GRM7: variants seen among roughly 807,000 people sequenced by gnomAD.
GRM7 encodes the protein metabotropic glutamate receptor 7.
In GRM7, 35 loss-of-function variants were observed where a neutral mutation model predicts 84.5. The ratio of observed to expected loss-of-function variants is 0.41; its 90% CI spans 0.32 to 0.55. GRM7 has a LOEUF of 0.55. GRM7 is among the 20% of genes least tolerant of loss of function. The pLI, the probability that GRM7 is intolerant of heterozygous loss-of-function variation, is 0.19. For missense variants in GRM7, 1,003 were observed against 1,194.6 expected (o/e 0.84, Z 2.36); for synonymous variants, 487 against 455.1 (o/e 1.07, Z -0.89).
At chr3:6,993,468 A>C (rs577446352) in intron 1 of GRM7, among the ~76,000 whole-genome samples, 1 of 152,238 alleles carries the variant, frequency 6.6e-6, no homozygotes, top group East Asian at 1.9e-4. Context: ...AGTAATTCAG[A>C]TTAGCTCAAA....
chr3:7,437,969 T>A (rs1464821538), intron 5 of GRM7, among the ~76,000 whole-genome samples: 2 of 148,068 alleles, frequency 1.4e-5, no homozygotes, highest in African/African-American at 2.5e-5. Flanking sequence ...GAAATTTGTT[T>A]AAAAAAAAAA....
chr3:7,263,783 A>G (rs1698529429), intron 2 of GRM7, among the ~76,000 whole-genome samples: 1 of 152,006 alleles, frequency 6.6e-6, no homozygotes, highest in Non-Finnish European at 1.5e-5. Flanking sequence ...TATGCCCACC[A>G]ATAGTCCCAC....
chr3:7,007,582 G>A (rs1310652208), intron 1 of GRM7, among the ~76,000 whole-genome samples: 1 of 152,186 alleles, frequency 6.6e-6, no homozygotes, highest in Non-Finnish European at 1.5e-5. Flanking sequence ...ATGCCTGGAT[G>A]TAGCCTCATG....
chr3:7,191,716 G>T (rs1349289495), intron 2 of GRM7, among the ~76,000 whole-genome samples: 1 of 151,132 alleles, frequency 6.6e-6, no homozygotes, highest in Non-Finnish European at 1.5e-5. Context: ...AAATAGATCA[G>T]ATGTGGCCAG....
chr3:7,348,729 G>C (rs1051205753), intron 4 of GRM7, among the ~76,000 whole-genome samples: 1 of 152,064 alleles, frequency 6.6e-6, no homozygotes, highest in African/African-American at 2.4e-5. Context: ...CAAATTATGA[G>C]GCTACATCTC....
chr3:6,873,020 T>C (rs1354024751), intron 1 of GRM7, among the ~76,000 whole-genome samples: 1 of 152,140 alleles, frequency 6.6e-6, no homozygotes, highest in African/African-American at 2.4e-5. Flanking sequence ...TGGTTCTAGA[T>C]CCCTGAGGAA....
chr3:7,410,656 C>CCA (rs370683194), intron 4 of GRM7, among the ~76,000 whole-genome samples: 7,991 of 142,608 alleles, frequency 0.056, 267 homozygotes, highest in African/African-American at 0.099. Flanking sequence ...ACCACCACCA[C>CCA]CACACACACA....
chr3:7,384,878 CA>C (rs1385109064), intron 4 of GRM7, among the ~76,000 whole-genome samples: 1 of 152,172 alleles, frequency 6.6e-6, no homozygotes, highest in African/African-American at 2.4e-5. Context: ...CTCTTTCCTC[CA>C]AAAAGTGACA....
At chr3:7,177,444 A>C (rs2125093785) in intron 2 of GRM7, among the ~76,000 whole-genome samples, 1 of 151,746 alleles carries the variant, frequency 6.6e-6, no homozygotes, top group East Asian at 2.0e-4. Context: ...GCAGTATTTG[A>C]TTCATCCAGG....
chr3:7,344,719 A>T (rs1692810757), intron 4 of GRM7, among the ~76,000 whole-genome samples: 1 of 152,158 alleles, frequency 6.6e-6, no homozygotes, highest in South Asian at 2.1e-4. Context: ...AAAACTAAAA[A>T]TGTTGATTTC....
intron 1 of GRM7, among the ~76,000 whole-genome samples, chr3:7,101,301 A>G (rs1388096250): frequency 2.0e-5 from 3 of 151,670 alleles, no homozygotes; most frequent in Non-Finnish European, 4.4e-5. Context: ...AGCCTTTTCA[A>G]TGGGTGGATA....
chr3:7,624,886 T>C (rs903229972), intron 8 of GRM7, among the ~76,000 whole-genome samples: 7 of 152,136 alleles, frequency 4.6e-5, no homozygotes, highest in Non-Finnish European at 8.8e-5. Context: ...GAAAGAGCTG[T>C]TTACACATAT....
intron 7 of GRM7, among the ~76,000 whole-genome samples, chr3:7,516,191 G>T (rs62233449): frequency 1.5e-5 from 2 of 132,656 alleles, no homozygotes; most frequent in South Asian, 2.4e-4. Context: ...AAAAAAAAGG[G>T]CTGGGCACGG....
At chr3:7,405,493 A>C (rs1695634812) in intron 4 of GRM7, among the ~76,000 whole-genome samples, 1 of 152,106 alleles carries the variant, frequency 6.6e-6, no homozygotes. Context: ...AAGATTCAAA[A>C]TTGATTATTG....
At chr3:6,874,464 A>G (rs1046276947) in intron 1 of GRM7, among the ~76,000 whole-genome samples, 1 of 152,162 alleles carries the variant, frequency 6.6e-6, no homozygotes, top group African/African-American at 2.4e-5. Context: ...TTACTGATCA[A>G]CTGGTCATAT....
In GRM7 at chr3:7,252,425, T is replaced by G. The variant is rs1192024963; in HGVS notation, c.737-46259T>G. ...CTGGGGATGTTGATGGCCTGTTGAT[T>G]CTTTAAAGTGGCAGTTCTCCCCCTT... On this transcript the variant is annotated intron_variant, in intron 2 of 9. Coordinates refer to ENST00000357716, the MANE Select transcript of GRM7 (RefSeq NM_000844.4). 2.6e-5 allele frequency among the ~76,000 whole-genome samples: 4 copies of G among 152,192 alleles called. No homozygotes were observed. In the East Asian group the frequency reaches 7.7e-4, roughly 29 times the overall value.
intron 1 of GRM7, among the ~76,000 whole-genome samples, chr3:6,991,109 C>A (rs1190848991): frequency 6.6e-6 from 1 of 152,136 alleles, no homozygotes; most frequent in African/African-American, 2.4e-5. Context: ...CACACACACA[C>A]GGATGCCCTC....
At chr3:7,485,182 C>T (rs1366517036) in intron 7 of GRM7, among the ~76,000 whole-genome samples, 1 of 152,126 alleles carries the variant, frequency 6.6e-6, no homozygotes, top group African/African-American at 2.4e-5. Flanking sequence ...TAAAATGTGT[C>T]CAGATTTTTA....
chr3:7,245,639 G>T (rs1273569404), intron 2 of GRM7, among the ~76,000 whole-genome samples: 1 of 151,812 alleles, frequency 6.6e-6, no homozygotes, highest in African/African-American at 2.4e-5. Context: ...AAAGTTGGAA[G>T]AATTAATCTC....
Sources: gnomAD v4.1 joint callset for allele counts (sites outside exome capture counted in the v4.1 genomes callset) on GRCh38, gnomAD v4.1.1 for gene constraint, MANE v1.5 for transcripts, NCBI Gene and HGNC (gene_info 2026-07-23, HGNC 2026-07-21) for gene names.